Variants in P3H1 observed in about 807,000 individuals in gnomAD.
P3H1 encodes prolyl 3-hydroxylase 1.
Under a neutral mutation model 84.0 loss-of-function variants are expected in P3H1, and 69 were observed. That is an observed-to-expected ratio of 0.82 (90% CI 0.68 to 1.00). The LOEUF is 1.00. Ranked by LOEUF, P3H1 falls within the 50% of genes least tolerant of loss-of-function variation. The pLI is 0.00. For synonymous variants in P3H1, 366 were observed against 388.8 expected, an observed-to-expected ratio of 0.94 and a Z score of 0.69; for missense variants, 878 against 962.8, an observed-to-expected ratio of 0.91 and a Z score of 1.17.
rs769817095 is a variant in P3H1, at chr1:42,767,006, C to G, written c.-35G>C. 2.5e-6 allele frequency: 4 copies of G among 1,598,144 alleles called. No individual in the cohort carries two copies. The highest frequency in any genetic ancestry group is 1.3e-5 in the African/African-American group (1 of 74,810). On this transcript the variant is annotated 5_prime_UTR_variant, in exon 1 of 15. Coordinates refer to ENST00000296388, the MANE Select transcript of P3H1 (RefSeq NM_022356.4). ...AGACCTAACGGAACCGCCAGCCACC[C>G]GCCACCAAGGCCGGAGTCCTACCCC...
intron 2 of P3H1, chr1:42,762,007 G>A (rs980116238): frequency 2.9e-5 from 7 of 243,260 alleles, no homozygotes; most frequent in South Asian, 1.3e-4. Flanking sequence ...TTAAGGTGGC[G>A]GTATTACAAA....
chr1:42,750,855 C>T (rs1215533665), intron 10 of P3H1, among the ~76,000 whole-genome samples: 2 of 150,386 alleles, frequency 1.3e-5, no homozygotes, highest in Non-Finnish European at 3.0e-5. Flanking sequence ...CCGCCCTATC[C>T]AGGAGGTGAG....
chr1:42,750,870 G>A (rs1218857064), intron 10 of P3H1, among the ~76,000 whole-genome samples: 5 of 149,564 alleles, frequency 3.3e-5, no homozygotes, highest in Admixed American at 6.6e-5. Context: ...GGTGAGGGGC[G>A]CCTCTGCCCG....
intron 1 of P3H1, among the ~76,000 whole-genome samples, chr1:42,766,007 T>TCCCCCCCCCCCC (rs747617057): frequency 3.4e-5 from 4 of 117,648 alleles, no homozygotes; most frequent in African/African-American, 1.0e-4. Flanking sequence ...AGCCAGAGGG[T>TCCCCCCCCCCCC]CCCCCCCCCG....
intron 2 of P3H1, chr1:42,760,665 T>G (rs10890214): frequency 0.62 from 93,217 of 151,462 alleles, 29,497 homozygotes; most frequent in South Asian, 0.78. Context: ...TTACTTTTTT[T>G]TGTGTGTGTG....
At position 42,750,324 on chromosome 1, in the gene P3H1, C is replaced by T; in HGVS notation, c.1582G>A (p.Gly528Ser). ...VFKALKLGQE[G>S]KVPLQSAHLY... Reference sequence around the variant, plus strand: ...TGGGCACTCTGCAGAGGAACTTTGCCTTCTTGCCCCAGCTGCCAAGGAGAC... The same window carrying T: ...TGGGCACTCTGCAGAGGAACTTTGCTTTCTTGCCCCAGCTGCCAAGGAGAC... The change falls in exon 11 of 15, where the codon GGC (glycine) becomes AGC (serine). Residue 528 changes from glycine to serine, a missense_variant. Physicochemically the swap from Gly to Ser is moderately conservative, Grantham distance 56. Transcript: ENST00000296388. 2.5e-6 allele frequency: 4 copies of T among 1,614,052 alleles called. No homozygotes were observed. The highest frequency in any genetic ancestry group is 2.2e-5 in the East Asian group (1 of 44,870).
intron 11 of P3H1, among the ~76,000 whole-genome samples, chr1:42,748,963 G>A (rs2124086522): frequency 6.6e-6 from 1 of 152,356 alleles, no homozygotes; most frequent in South Asian, 2.1e-4. Flanking sequence ...CCAGTCACCA[G>A]GTCCTGTCCA....
Position 42,758,887 on chromosome 1 carries a change from G to A in P3H1, c.905C>T (p.Ser302Leu), listed in dbSNP as rs772625904. ...REKPFEDFLPSHYNYLQFAYY... is the reference protein window; with the variant it reads ...REKPFEDFLPLHYNYLQFAYY... ...GGCAAACTGCAGATAATTATAATGC[G>A]ATGGGAGGAAGTCTTCAAAGGGCTT... The change falls in exon 4 of 15, where the codon TCG becomes TTG. Residue 302 changes from serine (S) to leucine (L), a missense_variant. Transcript: ENST00000296388. The A allele has an allele frequency of 7.4e-6, 12 of 1,614,164 alleles. No individual in the cohort carries two copies. Among genetic ancestry groups the A allele is most frequent in the East Asian group, 2.2e-5 (1 of 44,876 alleles).
At position 42,748,184 on chromosome 1, in the gene P3H1, C is replaced by T. The variant is rs774501616; in HGVS notation, c.1838+16G>A. ...AGGGCACAGACCTCCTCACCCTGCA[C>T]CTGCCCCGCACTCACCTGTAGTCGC... is the stretch of plus-strand genomic sequence containing the variant. On this transcript the variant is annotated intron_variant, in intron 12 of 14. Transcript: ENST00000296388. 6.9e-6 allele frequency: 11 copies of T among 1,596,904 alleles called. No homozygotes were observed. In the South Asian group the frequency reaches 7.7e-5, roughly 11 times the overall value.
In P3H1 at chr1:42,761,855, C is replaced by A. The variant is rs562916537; in HGVS notation, c.618+468G>T. 9.2e-5 allele frequency: 19 copies of A among 206,054 alleles called. 1 individual carries two copies. In the South Asian group the frequency reaches 1.4e-3, roughly 15 times the overall value. The allele number at this position is 206,054 out of a possible 1,614,324, so 12.8% of individuals were successfully genotyped here. A position where few individuals can be genotyped will look rare whatever the true frequency, so the allele number is the denominator to read the frequency against. On this transcript the variant is annotated intron_variant, in intron 2 of 14. Coordinates refer to ENST00000296388, the MANE Select transcript of P3H1 (RefSeq NM_022356.4). ...GAGCTATGATCACACCATTGCACTG[C>A]AGCCTGGACAACAAAGTGAGACCCT...
chr1:42,756,202 TTTC>T (rs1652395820), intron 5 of P3H1, among the ~76,000 whole-genome samples: 2 of 152,250 alleles, frequency 1.3e-5, no homozygotes, highest in Admixed American at 1.3e-4. Flanking sequence ...CTGTTATCTT[TTTC>T]TTTTTTTTCA....
rs554033254 is a variant in P3H1 at position 42,752,472 on chromosome 1, A to C, written c.1473+65T>G. On this transcript the variant is annotated intron_variant, in intron 9 of 14. Transcript: ENST00000296388. ...AAGAGGAAGGCGAAGGCTACCACCC[A>C]AGGGGCACTTGGTGGGGGGATGCTG... The C allele has an allele frequency of 1.9e-5, 31 of 1,613,066 alleles. No individual in the cohort carries two copies. The South Asian group carries it at 3.1e-4, about 16-fold the overall frequency.
Position 42,762,183 on chromosome 1 carries a change from G to T in P3H1, c.618+140C>A, listed in dbSNP as rs1298561699. The stretch of plus-strand genomic sequence containing the variant: ...CTACTCAGGAGGCCGAGACTAGAGG[G>T]TCTCTTGAGTCCGGGAATTTGAGGT... On this transcript the variant is annotated intron_variant, in intron 2 of 14. Coordinates refer to ENST00000296388, the MANE Select transcript of P3H1 (RefSeq NM_022356.4). The T allele has an allele frequency of 6.1e-6, 5 of 818,044 alleles. No homozygotes were observed. In the African/African-American group the frequency reaches 6.8e-5, roughly 11 times the overall value. 50.7% of individuals were successfully genotyped at this position (818,044 alleles called of 1,614,324 possible). A position where few individuals can be genotyped will look rare whatever the true frequency, so the allele number is the denominator to read the frequency against.
At chr1:42,752,435 A>G in intron 9 of P3H1, 66 bp from the exon 10 acceptor site, 2 of 1,609,918 alleles carry the variant, frequency 1.2e-6, no homozygotes, top group Non-Finnish European at 1.7e-6. Flanking sequence ...GAGGTGGTCA[A>G]CTGTGGCCAG....
intron 4 of P3H1, 88 bp downstream of exon 4, chr1:42,758,764 G>A: frequency 6.8e-7 from 1 of 1,470,032 alleles, no homozygotes; most frequent in Admixed American, 1.7e-5. Flanking sequence ...CAAACACCTT[G>A]AGGAAGTAAG....
rs369450623 is a variant in P3H1, at chr1:42,766,910, T to A, written c.62A>T (p.Gln21Leu). Residue 21 changes from glutamine (Q) to leucine (L), a missense_variant, in exon 1 of 15, where the codon CAA becomes CTA. Transcript: ENST00000296388. Reference protein sequence around the residue: ...TLLAVVAAASQAEVESEAGWG... With the variant: ...TLLAVVAAASLAEVESEAGWG... ...TCCTGCCTCGGACTCGACCTCGGCT[T>A]GGGAGGCAGCGGCCACGACAGCCAG... 1 of 1,609,280 alleles carries A rather than the reference T, an allele frequency of 6.2e-7. No individual in the cohort carries two copies.
In P3H1 at chr1:42,754,080, G is replaced by T. The variant is rs974898001; in HGVS notation, c.1345+789C>A. The stretch of plus-strand genomic sequence containing the variant: ...AAAGTGCAGTCCTGTGTGAAGAGAC[G>T]GTGTAAACAGGACAAGAGTAGAACA... On this transcript the variant is annotated intron_variant, in intron 8 of 14. Transcript: ENST00000296388. The surrounding 1 kb of genome is among the most constrained non-coding windows in gnomAD (Gnocchi z 4.0). 6.6e-6 allele frequency among the ~76,000 whole-genome samples: 1 copy of T among 152,178 alleles called. No individual in the cohort carries two copies. The highest frequency in any genetic ancestry group is 2.4e-5 in the African/African-American group (1 of 41,438).
chr1:42,753,085 T>C (rs751810091), intron 8 of P3H1, among the ~76,000 whole-genome samples: 3 of 152,196 alleles, frequency 2.0e-5, no homozygotes, highest in Non-Finnish European at 4.4e-5. Context: ...ATCTACCTTA[T>C]ATGTTTGATG....
chr1:42,750,371 G>A lies in P3H1; in HGVS notation c.1570-35C>T, dbSNP rs780895745. The A allele has an allele frequency of 3.3e-5, 53 of 1,612,452 alleles. No individual in the cohort carries two copies. In the East Asian group the frequency reaches 7.1e-4, roughly 22 times the overall value. On this transcript the variant is annotated intron_variant, in intron 10 of 14. Transcript: ENST00000296388. ...AGACAGATGGTCAGCTGCCCTCAACGACTGATATGGTTTGGCTCTGTGTCC... is the reference window on the plus strand; with the variant it reads ...AGACAGATGGTCAGCTGCCCTCAACAACTGATATGGTTTGGCTCTGTGTCC...
Sources: gnomAD v4.1 joint callset for allele counts (sites outside exome capture counted in the v4.1 genomes callset) on GRCh38, gnomAD v4.1.1 for gene constraint, Gnocchi (gnomAD v3.1) non-coding constraint, MANE v1.5 for transcripts, NCBI Gene and HGNC (gene_info 2026-07-23, HGNC 2026-07-21) for gene names.